Variants in CAPN6 observed in about 807,000 individuals in gnomAD.
CAPN6 encodes the protein calpain 6, also known as calpain-6.
A neutral mutation model predicts 46.0 loss-of-function variants in CAPN6; 16 were observed. The observed-to-expected ratio is 0.35, with a 90% CI of 0.24 to 0.53. CAPN6 has a LOEUF of 0.53. CAPN6 is among the 20% of genes least tolerant of loss of function. CAPN6 has a pLI of 0.94. For missense variants in CAPN6, 461 were observed against 498.0 expected (o/e 0.93, Z 0.71); for synonymous variants, 206 against 172.8 (o/e 1.19, Z -1.51).
At chrX:111,253,506 A>T (rs1432972508) in intron 3 of CAPN6, among the ~76,000 whole-genome samples, 2 of 112,614 alleles carry the variant, frequency 1.8e-5, no homozygotes, top group Non-Finnish European at 3.7e-5. Flanking sequence ...AATAATCTAT[A>T]AACTAGATGT....
At chrX:111,250,116 C>A (rs1295098063) in intron 8 of CAPN6, among the ~76,000 whole-genome samples, 2 of 110,652 alleles carry the variant, frequency 1.8e-5, no homozygotes, top group Admixed American at 1.9e-4. Flanking sequence ...GGTGGAAGAG[C>A]AGTATGAGTT....
intron 1 of CAPN6, among the ~76,000 whole-genome samples, chrX:111,269,102 G>A (rs1471292480): frequency 8.9e-6 from 1 of 112,114 alleles, no homozygotes; most frequent in African/African-American, 3.2e-5. Context: ...GTCACAAAGG[G>A]ACTTTTTCTG....
chrX:111,267,025 A>G (rs1354273229), intron 1 of CAPN6, among the ~76,000 whole-genome samples: 1 of 112,301 alleles, frequency 8.9e-6, no homozygotes, highest in African/African-American at 3.2e-5. Flanking sequence ...AGTTTGTCAT[A>G]AACAACTTAC....
rs1173556268 is a variant in CAPN6 at position 111,247,419 on chromosome X, G to A, written c.1692C>T (p.Asp564=). 3 of 1,208,065 alleles carry A rather than the reference G, an allele frequency of 2.5e-6. No homozygotes were observed. Among genetic ancestry groups the A allele is most frequent in the South Asian group, 1.8e-5 (1 of 56,725 alleles). The change falls in exon 12 of 13, where the codon GAC becomes GAT. Residue 564 remains aspartate, a synonymous_variant. Transcript: ENST00000324068. Reference sequence around the variant, plus strand: ...TCCTTCTGTAGAAAATGGCCTGGGTGTCAAAAATGGCATGAACTGTATTCT... The same window carrying A: ...TCCTTCTGTAGAAAATGGCCTGGGTATCAAAAATGGCATGAACTGTATTCT... ...VQKNTVHAIF[D]TQAIFYRRTT...
rs750971804 is a variant in CAPN6 at position 111,263,161 on chromosome X, G to A, written c.165+611C>T. Among the ~76,000 whole-genome samples, 14 of 111,951 alleles carry A rather than the reference G, an allele frequency of 1.3e-4. 1 individual carries two copies. The South Asian group carries it at 4.8e-3, about 39-fold the overall frequency. On this transcript the variant is annotated intron_variant, in intron 2 of 12. Transcript: ENST00000324068. The stretch of plus-strand genomic sequence containing the variant: ...GAAAATAAGGTTGGCATATCTCTCT[G>A]TTTTTTGTACAGAAATATTCATAGC...
intron 12 of CAPN6, 51 bp from the exon 13 acceptor site, chrX:111,246,810 G>T (rs771157688): frequency 9.6e-7 from 1 of 1,046,446 alleles, no homozygotes; most frequent in Admixed American, 2.4e-5. Flanking sequence ...AGTGAGATTA[G>T]CCTTTGCCCA....
chrX:111,256,735 A>C (rs1309068006), intron 2 of CAPN6, among the ~76,000 whole-genome samples: 1 of 111,201 alleles, frequency 9.0e-6, no homozygotes, highest in Non-Finnish European at 1.9e-5. Flanking sequence ...TTCTTGACCC[A>C]AGATGGATAT....
chrX:111,265,663 C>T (rs1287722594), intron 1 of CAPN6, among the ~76,000 whole-genome samples: 4 of 112,097 alleles, frequency 3.6e-5, no homozygotes, highest in Non-Finnish European at 7.5e-5. Context: ...ACAACAAACA[C>T]TACTGCGCCT....
At chrX:111,266,189 G>A (rs922476712) in intron 1 of CAPN6, among the ~76,000 whole-genome samples, 5 of 96,446 alleles carry the variant, frequency 5.2e-5, no homozygotes, top group Non-Finnish European at 1.0e-4. Context: ...AGCCGAGATC[G>A]TGCCATTGCA....
At chrX:111,266,817 C>T (rs901692895) in intron 1 of CAPN6, among the ~76,000 whole-genome samples, 1 of 112,528 alleles carries the variant, frequency 8.9e-6, no homozygotes, top group African/African-American at 3.2e-5. Flanking sequence ...TTTTTTAGTT[C>T]AAATGAGGAA....
Position 111,251,220 on chromosome X carries a change from A to G in CAPN6, c.960T>C (p.Asp320=), listed in dbSNP as rs1414373825. ...RKNLGLVMSD[D]GEFWMSLEDF... Reference sequence around the variant, plus strand: ...AAACCCCTCCTCACCAAAACTCTCCATCATCAGACATAACAAGCCCCAGGT... The same window carrying G: ...AAACCCCTCCTCACCAAAACTCTCCGTCATCAGACATAACAAGCCCCAGGT... The change falls in exon 7 of 13, where the codon GAT becomes GAC. Residue 320 remains aspartate (D), a synonymous_variant. Transcript: ENST00000324068. 9.1e-6 allele frequency: 11 copies of G among 1,207,063 alleles called. No individual in the cohort carries two copies. In the South Asian group the frequency reaches 1.2e-4, roughly 14 times the overall value.
In CAPN6 at chrX:111,249,070, G is replaced by C. The variant is rs1569480743; in HGVS notation, c.1159-13C>G. On this transcript the variant is annotated splice_polypyrimidine_tract_variant and intron_variant, in intron 8 of 12. Transcript: ENST00000324068. Reference sequence around the variant, plus strand: ...CAGTGAAGATGTACTAAGGGAAAGAGACCACCACAGAGGTGAGTTAGCATT... The same window carrying C: ...CAGTGAAGATGTACTAAGGGAAAGACACCACCACAGAGGTGAGTTAGCATT... 5.0e-6 allele frequency: 6 copies of C among 1,208,871 alleles called. No individual in the cohort carries two copies. Among genetic ancestry groups the C allele is most frequent in the Non-Finnish European group, 5.6e-6 (5 of 893,887 alleles).
At chrX:111,265,685 T>C (rs1397781965) in intron 1 of CAPN6, among the ~76,000 whole-genome samples, 1 of 112,026 alleles carries the variant, frequency 8.9e-6, no homozygotes, top group Non-Finnish European at 1.9e-5. Flanking sequence ...TTGCTTTCCC[T>C]AGAAGGTTTG....
intron 4 of CAPN6, 107 bp downstream of exon 4, chrX:111,252,901 C>G: frequency 1.6e-6 from 1 of 634,861 alleles, no homozygotes; most frequent in South Asian, 2.9e-5. Flanking sequence ...ACATCTTACC[C>G]AACTTAAACT....
chrX:111,248,886 T>C, intron 9 of CAPN6, 49 bp downstream of exon 9: 1 of 1,207,062 alleles, frequency 8.3e-7, no homozygotes, highest in Non-Finnish European at 1.1e-6. Context: ...TTATCCTAAT[T>C]TTTACTCTGT....
chrX:111,266,779 T>C (rs1455900160), intron 1 of CAPN6, among the ~76,000 whole-genome samples: 1 of 112,498 alleles, frequency 8.9e-6, no homozygotes. Flanking sequence ...CACTGCTTCT[T>C]TTGGTCACTG....
chrX:111,261,683 G>C (rs2094988035), intron 2 of CAPN6, among the ~76,000 whole-genome samples: 1 of 112,177 alleles, frequency 8.9e-6, no homozygotes, highest in Admixed American at 9.4e-5. Flanking sequence ...AGCCAAGATA[G>C]AGGGGGAAGG....
At chrX:111,247,643 T>C in intron 11 of CAPN6, 139 bp from the exon 12 acceptor site, 2 of 676,697 alleles carry the variant, frequency 3.0e-6, no homozygotes, top group South Asian at 3.0e-5. Flanking sequence ...TCAACACTTT[T>C]ATTCCCACTT....
chrX:111,248,786 G>A lies in CAPN6; in HGVS notation c.1282-15C>T. On this transcript the variant is annotated splice_polypyrimidine_tract_variant and intron_variant, in intron 9 of 12. Transcript: ENST00000324068. ...TTCATCTCCACCTGGAAATGAAATA[G>A]GGTAAAATATTCAATTCCACTCAAA... 1 of 1,202,782 alleles carries A rather than the reference G, an allele frequency of 8.3e-7. No homozygotes were observed. The highest frequency in any genetic ancestry group is 1.1e-6 in the Non-Finnish European group (1 of 887,505).
Sources: gnomAD v4.1 joint callset for allele counts (sites outside exome capture counted in the v4.1 genomes callset) on GRCh38, gnomAD v4.1.1 for gene constraint, MANE v1.5 for transcripts, NCBI Gene and HGNC (gene_info 2026-07-23, HGNC 2026-07-21) for gene names.